The following CDK10 variants were observed in gnomAD, a reference collection of about 807,000 sequenced individuals.
The protein encoded by CDK10 is cyclin dependent kinase 10.
Under a neutral mutation model 51.0 loss-of-function variants are expected in CDK10, and 55 were observed. The observed-to-expected ratio is 1.08, with a 90% CI of 0.87 to 1.35. CDK10 has a LOEUF of 1.35. CDK10 is among the 40% of genes most tolerant of loss of function. CDK10 has a pLI of 0.00. For missense variants in CDK10, 589 were observed against 485.1 expected (o/e 1.21, Z -2.01); for synonymous variants, 255 against 199.1 (o/e 1.28, Z -2.36).
rs757406238 is a variant in CDK10 at position 89,689,352 on chromosome 16, C to T, written c.160+28C>T. ...GAGTGGCCAAGGCTAGGACATGTGGCCGCAGCTCGTGGCTGTGACAGTGTG... is the reference window on the plus strand; with the variant it reads ...GAGTGGCCAAGGCTAGGACATGTGGTCGCAGCTCGTGGCTGTGACAGTGTG... On this transcript the variant is annotated intron_variant, in intron 2 of 12. Transcript: ENST00000353379. 1.9e-6 allele frequency: 3 copies of T among 1,600,222 alleles called. No homozygotes were observed. The East Asian group carries it at 6.7e-5, about 36-fold the overall frequency.
chr16:89,695,957 A>C lies in CDK10; in HGVS notation c.*265A>C, dbSNP rs1438655928. 13 of 645,852 alleles carry C rather than the reference A, an allele frequency of 2.0e-5. No individual in the cohort carries two copies. The highest frequency in any genetic ancestry group is 3.3e-5 in the Non-Finnish European group (12 of 368,224). The allele number at this position is 645,852 out of a possible 1,614,324, so 40.0% of individuals were successfully genotyped here. Reference sequence around the variant, plus strand: ...CTCCATCCGTGGCTGCAGGGGTCTCATGTGGTCCTCCTCGCTATGTTGGAA... The same window carrying C: ...CTCCATCCGTGGCTGCAGGGGTCTCCTGTGGTCCTCCTCGCTATGTTGGAA... On this transcript the variant is annotated 3_prime_UTR_variant, in exon 13 of 13. Coordinates refer to ENST00000353379, the MANE Select transcript of CDK10 (RefSeq NM_052988.5).
intron 9 of CDK10, 159 bp from the exon 10 acceptor site, chr16:89,694,506 G>T: frequency 7.4e-7 from 1 of 1,343,508 alleles, no homozygotes; most frequent in Non-Finnish European, 1.0e-6. Context: ...GCCCAGGAGG[G>T]GAGCCAGTGG....
chr16:89,694,884 C>G (rs1304389029), intron 10 of CDK10, 47 bp from the exon 11 acceptor site: 1 of 1,600,172 alleles, frequency 6.2e-7, no homozygotes, highest in African/African-American at 1.3e-5. Flanking sequence ...GCCCGCAGCC[C>G]CCGCCCGTGC....
chr16:89,695,562 GC>G, intron 12 of CDK10, 32 bp from the exon 13 acceptor site: 1 of 1,579,454 alleles, frequency 6.3e-7, no homozygotes, highest in Non-Finnish European at 8.6e-7. Flanking sequence ...CTGGGGCCCT[GC>G]CCCGCCCAGC....
At chr16:89,694,387 A>T in intron 9 of CDK10, 155 bp downstream of exon 9, 1 of 912,328 alleles carries the variant, frequency 1.1e-6, no homozygotes, top group Non-Finnish European at 1.7e-6. Flanking sequence ...TGAGCCTGGA[A>T]ACCCAGGAGG....
At chr16:89,693,881 C>A (rs2060569323) in intron 8 of CDK10, 1 of 573,020 alleles carries the variant, frequency 1.7e-6, no homozygotes, top group Non-Finnish European at 3.1e-6. Context: ...CAGGTCAGGA[C>A]CCCAGTGTCG....
At chr16:89,690,065 A>G (rs258321) in intron 2 of CDK10, 51,371 of 157,910 alleles carry the variant, frequency 0.33, 10,270 homozygotes, top group Middle Eastern at 0.68. Context: ...ACCCTGTCTC[A>G]AAAAAACCAA....
intron 9 of CDK10, 31 bp from the exon 10 acceptor site, chr16:89,694,634 T>G: frequency 6.4e-7 from 1 of 1,571,142 alleles, no homozygotes; most frequent in Non-Finnish European, 8.6e-7. Flanking sequence ...AGCAGACGTC[T>G]GGCCGCAGTG....
intron 2 of CDK10, 33 bp downstream of exon 2, chr16:89,689,357 G>T (rs1362493590): frequency 1.9e-6 from 3 of 1,589,180 alleles, no homozygotes; most frequent in Admixed American, 1.7e-5. Context: ...TGTGGCCGCA[G>T]CTCGTGGCTG....
chr16:89,692,204 G>T (rs1219352061), intron 5 of CDK10: 3 of 553,516 alleles, frequency 5.4e-6, no homozygotes, highest in Non-Finnish European at 9.5e-6. Context: ...TGGGCGGAGA[G>T]CCTTCTGAGG....
chr16:89,689,255 G>A lies in CDK10; in HGVS notation c.91G>A (p.Gly31Arg), dbSNP rs1378766917. Reference sequence around the variant, plus strand: ...TGGCAACACCCTTCTGTTTCAGCTGGGACGATGCCGGAGTGTGAAGGAGTT... The same window carrying A: ...TGGCAACACCCTTCTGTTTCAGCTGAGACGATGCCGGAGTGTGAAGGAGTT... Reference protein sequence around the residue: ...FFTVPPEHRLGRCRSVKEFEK... With the variant: ...FFTVPPEHRLRRCRSVKEFEK... Residue 31 changes from glycine (G) to arginine (R), a missense_variant, in exon 2 of 13, where the codon GGA becomes AGA. Coordinates refer to ENST00000353379, the MANE Select transcript of CDK10 (RefSeq NM_052988.5). 6.2e-7 allele frequency: 1 copy of A among 1,614,100 alleles called. No homozygotes were observed. Among genetic ancestry groups the A allele is most frequent in the Non-Finnish European group, 8.5e-7 (1 of 1,179,986 alleles).
At chr16:89,690,713 G>T (rs983350881) in intron 3 of CDK10, 89 bp downstream of exon 3, 2 of 1,163,118 alleles carry the variant, frequency 1.7e-6, no homozygotes, top group Non-Finnish European at 2.6e-6. Context: ...GCGACTGCAC[G>T]GTGCTTGTAG....
At chr16:89,694,305 A>C (rs755135431) in intron 9 of CDK10, 73 bp downstream of exon 9, 69 of 1,470,496 alleles carry the variant, frequency 4.7e-5, no homozygotes, top group Non-Finnish European at 6.4e-5. Flanking sequence ...CTGGTTCCTG[A>C]GCTCAGCCTC....
chr16:89,687,536 CTG>C (rs1381825837), intron 1 of CDK10: 5 of 455,778 alleles, frequency 1.1e-5, no homozygotes, highest in Non-Finnish European at 1.8e-5. Context: ...GTGCTGGACT[CTG>C]GGGTGAAGTA....
chr16:89,691,998 C>A, intron 5 of CDK10, 111 bp downstream of exon 5: 1 of 810,978 alleles, frequency 1.2e-6, no homozygotes, highest in Non-Finnish European at 2.0e-6. Flanking sequence ...GCTGCCTCTG[C>A]CTCCACCTCC....
Position 89,690,605 on chromosome 16 carries a change from G to A in CDK10, c.213G>A (p.Arg71=). The change falls in exon 3 of 13, where the codon CGG becomes CGA. Residue 71 remains arginine (R), a synonymous_variant. Coordinates refer to ENST00000353379, the MANE Select transcript of CDK10 (RefSeq NM_052988.5). ...AGATTGTCGCACTGAAGAAGGTGCG[G>A]ATGGACAAGGAGAAGGATGGTGAGC... The part of the protein sequence containing the change: ...TDEIVALKKV[R]MDKEKDGIPI... 3 of 1,614,090 alleles carry A rather than the reference G, an allele frequency of 1.9e-6. No homozygotes were observed. The highest frequency in any genetic ancestry group is 2.5e-6 in the Non-Finnish European group (3 of 1,179,946).
chr16:89,691,412 T>A, intron 3 of CDK10, 31 bp from the exon 4 acceptor site: 1 of 1,531,468 alleles, frequency 6.5e-7, no homozygotes, highest in Non-Finnish European at 8.9e-7. Flanking sequence ...ATCACTGGGG[T>A]GGGGCTCGCT....
rs552151347 is a variant in CDK10 at position 89,690,383 on chromosome 16, C to T, written c.161-170C>T. The T allele has an allele frequency of 1.2e-4, 73 of 634,458 alleles. No homozygotes were observed. The Admixed American group carries it at 1.2e-3, about 11-fold the overall frequency. 39.3% of individuals were successfully genotyped at this position (634,458 alleles called of 1,614,324 possible). On this transcript the variant is annotated intron_variant, in intron 2 of 12. Coordinates refer to ENST00000353379, the MANE Select transcript of CDK10 (RefSeq NM_052988.5). ...AATGAGGAAACCCTCCGGGGGAACG[C>T]GTCTCGGGCTAGGGGCGTTGCACAG...
At chr16:89,687,346 GT>G (rs1166837179) in intron 1 of CDK10, 2 of 410,056 alleles carry the variant, frequency 4.9e-6, no homozygotes, top group African/African-American at 2.0e-5. Context: ...TGCACGGCTG[GT>G]GGGGGTGGAG....
Sources: allele counts gnomAD v4.1 joint callset, GRCh38; gene constraint gnomAD v4.1.1; transcripts MANE v1.5; gene names NCBI Gene and HGNC (gene_info 2026-07-23, HGNC 2026-07-21).